Variants in TMED10 observed in about 807,000 individuals in gnomAD.
TMED10 encodes transmembrane p24 trafficking protein 10.
In TMED10, 7 loss-of-function variants were observed where a neutral mutation model predicts 23.1. The ratio of observed to expected loss-of-function variants is 0.30; its 90% CI spans 0.17 to 0.57. The LOEUF (loss-of-function observed/expected upper bound fraction) is 0.57. Among genes scored for constraint, TMED10 ranks in the 20% least tolerant of loss-of-function variants. TMED10 has a pLI of 0.91. For synonymous variants in TMED10, 113 were observed against 106.9 expected (o/e 1.06, Z -0.35); for missense variants, 162 against 274.8 (o/e 0.59, Z 2.90).
At chr14:75,157,581 T>G (rs1316629532) in intron 1 of TMED10, among the ~76,000 whole-genome samples, 2 of 151,350 alleles carry the variant, frequency 1.3e-5, no homozygotes, top group Non-Finnish European at 2.9e-5. Context: ...TCCCATGAGG[T>G]CGAGGCTGCA....
intron 3 of TMED10, among the ~76,000 whole-genome samples, chr14:75,139,604 C>G (rs896275585): frequency 6.7e-6 from 1 of 149,226 alleles, no homozygotes; most frequent in Admixed American, 6.7e-5. Context: ...CCACTATACT[C>G]CATCCTGGGA....
At position 75,131,778 on chromosome 14, in the gene TMED10, A is replaced by G. The variant is rs1266632022; in HGVS notation, c.*3107T>C. 6.6e-6 allele frequency: 1 copy of G among 152,240 alleles called. No individual in the cohort carries two copies. Among genetic ancestry groups the G allele is most frequent in the Admixed American group, 6.5e-5 (1 of 15,286 alleles). 9.4% of individuals were successfully genotyped at this position (152,240 alleles called of 1,614,324 possible). ...ATACATTTACTTTTTAGATAAAACC[A>G]AAGTATAATATCAATTAACTTTTAA... On this transcript the variant is annotated 3_prime_UTR_variant, in exon 5 of 5. Coordinates refer to ENST00000303575, the MANE Select transcript of TMED10 (RefSeq NM_006827.6).
At chr14:75,165,021 C>T (rs1352738847) in intron 1 of TMED10, among the ~76,000 whole-genome samples, 1 of 151,944 alleles carries the variant, frequency 6.6e-6, no homozygotes, top group Non-Finnish European at 1.5e-5. Context: ...AAGGAATAAA[C>T]TACATGAAGA....
intron 3 of TMED10, among the ~76,000 whole-genome samples, chr14:75,143,436 T>G (rs1895847073): frequency 6.6e-6 from 1 of 152,172 alleles, no homozygotes; most frequent in South Asian, 2.1e-4. Context: ...AAACTGCTTC[T>G]TAAAACAGAG....
chr14:75,166,793 C>T (rs1023939701), intron 1 of TMED10, among the ~76,000 whole-genome samples: 5 of 152,102 alleles, frequency 3.3e-5, no homozygotes, highest in African/African-American at 1.2e-4. Context: ...TGTTTCTAAC[C>T]CAGTGAACAA....
chr14:75,164,691 A>G (rs1454305352), intron 1 of TMED10, among the ~76,000 whole-genome samples: 2 of 145,796 alleles, frequency 1.4e-5, no homozygotes, highest in Non-Finnish European at 3.0e-5. Flanking sequence ...CCAAAGTGCT[A>G]GGATTACAGA....
intron 1 of TMED10, among the ~76,000 whole-genome samples, chr14:75,164,851 G>C (rs1337508680): frequency 6.6e-6 from 1 of 150,910 alleles, no homozygotes; most frequent in Non-Finnish European, 1.5e-5. Context: ...GAAAGGGGTA[G>C]TCAGGTACAC....
At chr14:75,142,675 A>G (rs1895837026) in intron 3 of TMED10, among the ~76,000 whole-genome samples, 3 of 152,120 alleles carry the variant, frequency 2.0e-5, no homozygotes, top group Non-Finnish European at 2.9e-5. Context: ...AGGAAATTAA[A>G]ATGATTTATA....
intron 1 of TMED10, among the ~76,000 whole-genome samples, chr14:75,169,559 G>A (rs1260556891): frequency 6.6e-6 from 1 of 152,188 alleles, no homozygotes; most frequent in Non-Finnish European, 1.5e-5. Context: ...TTGGGAGGCT[G>A]AGGCAGGAGA....
chr14:75,162,633 G>A (rs976791688), intron 1 of TMED10, among the ~76,000 whole-genome samples: 1 of 151,998 alleles, frequency 6.6e-6, no homozygotes, highest in African/African-American at 2.4e-5. Flanking sequence ...ACTCTGTAGT[G>A]GACTGACCAA....
chr14:75,162,942 T>C (rs544492282), intron 1 of TMED10, among the ~76,000 whole-genome samples: 30 of 151,950 alleles, frequency 2.0e-4, no homozygotes, highest in African/African-American at 7.0e-4. Flanking sequence ...TCCTCAAAAC[T>C]CACAAGGTCC....
rs1460734214 is a variant in TMED10 at position 75,132,296 on chromosome 14, G to A, written c.*2589C>T. 1 of 150,704 alleles carries A rather than the reference G, an allele frequency of 6.6e-6. No individual in the cohort carries two copies. The highest frequency in any genetic ancestry group is 2.0e-4 in the East Asian group (1 of 5,118). 9.3% of individuals were successfully genotyped at this position (150,704 alleles called of 1,614,324 possible). A position where few individuals can be genotyped will look rare whatever the true frequency, so the allele number is the denominator to read the frequency against. On this transcript the variant is annotated 3_prime_UTR_variant, in exon 5 of 5. Coordinates refer to ENST00000303575, the MANE Select transcript of TMED10 (RefSeq NM_006827.6). ...CCAGCTACTCAGGAGGCTGAGGCAG[G>A]AGAATTGCTTGAACCCAGGAGGTGA...
rs77101747 is a variant in TMED10, at chr14:75,143,459, C to T, written c.411+4205G>A. 4.4e-3 allele frequency among the ~76,000 whole-genome samples: 676 copies of T among 152,270 alleles called. 5 individuals carry two copies. Among genetic ancestry groups the T allele is most frequent in the Non-Finnish European group, 7.0e-3 (478 of 68,016 alleles). ...TCTTAAAACAGAGGTGTTAATCTAA[C>T]CTCTAGGGAATCTCTAAATTCTTTT... On this transcript the variant is annotated intron_variant, in intron 3 of 4. Transcript: ENST00000303575.
At chr14:75,152,754 C>T (rs528763396) in intron 1 of TMED10, among the ~76,000 whole-genome samples, 8 of 152,300 alleles carry the variant, frequency 5.3e-5, no homozygotes, top group African/African-American at 1.7e-4. Flanking sequence ...AAGTTTCTGG[C>T]CAGGCATGGT....
intron 4 of TMED10, 68 bp from the exon 5 acceptor site, chr14:75,135,074 G>C: frequency 6.3e-7 from 1 of 1,592,944 alleles, no homozygotes; most frequent in East Asian, 2.2e-5. Context: ...ACAATGGCAG[G>C]GGAGGTGGGT....
intron 1 of TMED10, among the ~76,000 whole-genome samples, chr14:75,174,441 T>C (rs923196227): frequency 5.3e-5 from 8 of 152,048 alleles, no homozygotes; most frequent in Non-Finnish European, 1.2e-4. Flanking sequence ...CAACACGAGA[T>C]GAGAGCAAGG....
intron 3 of TMED10, 84 bp downstream of exon 3, chr14:75,147,580 C>T (rs1254246118): frequency 2.2e-6 from 3 of 1,389,470 alleles, no homozygotes; most frequent in Admixed American, 1.7e-5. Context: ...TTGGGCAAAG[C>T]ACAGCCTGTT....
chr14:75,171,052 G>A (rs1351165788), intron 1 of TMED10, among the ~76,000 whole-genome samples: 2 of 152,110 alleles, frequency 1.3e-5, no homozygotes, highest in Admixed American at 6.6e-5. Context: ...ATGGCAAAAG[G>A]GATTGTGCAG....
chr14:75,144,272 G>T lies in TMED10; in HGVS notation c.411+3392C>A, dbSNP rs187653241. Among the ~76,000 whole-genome samples, 14 of 152,294 alleles carry T rather than the reference G, an allele frequency of 9.2e-5. No individual in the cohort carries two copies. In the East Asian group the frequency reaches 2.7e-3, roughly 29 times the overall value. Reference sequence around the variant, plus strand: ...TTCACAGATGACAAACTAAAAAGAAGTGGCTCGGTTCACATCCTGAATCTA... The same window carrying T: ...TTCACAGATGACAAACTAAAAAGAATTGGCTCGGTTCACATCCTGAATCTA... On this transcript the variant is annotated intron_variant, in intron 3 of 4. Coordinates refer to ENST00000303575, the MANE Select transcript of TMED10 (RefSeq NM_006827.6).
Sources: allele counts gnomAD v4.1 joint callset (sites outside exome capture counted in the v4.1 genomes callset), GRCh38; gene constraint gnomAD v4.1.1; transcripts MANE v1.5; gene names NCBI Gene and HGNC (gene_info 2026-07-23, HGNC 2026-07-21).